SV2C: variants seen among roughly 807,000 people sequenced by gnomAD.
SV2C encodes the protein solute carrier family 22 member B3.
SV2C carries 49 observed loss-of-function variants against 79.7 expected under a neutral mutation model. That is an observed-to-expected ratio of 0.61 (90% confidence interval 0.49 to 0.78). SV2C has a LOEUF of 0.78. Among genes scored for constraint, SV2C ranks in the 30% least tolerant of loss-of-function variants. The pLI, the probability that SV2C is intolerant of heterozygous loss-of-function variation, is 0.00. For missense variants in SV2C, 833 were observed against 912.9 expected (o/e 0.91, Z 1.13); for synonymous variants, 334 against 333.2 (o/e 1.00, Z -0.03).
At chr5:76,336,257 C>T (rs1004914139), downstream of SV2C, among the ~76,000 whole-genome samples, 2 of 146,840 alleles carry the variant, frequency 1.4e-5, no homozygotes, top group African/African-American at 2.5e-5. Flanking sequence ...TCATATGGGG[C>T]GGCTGCCAGG....
Position 76,329,304 on chromosome 5 carries a change from C to G in SV2C, c.*3757C>G, listed in dbSNP as rs545406856. On this transcript the variant is annotated 3_prime_UTR_variant, in exon 13 of 13. Transcript: ENST00000502798. The stretch of plus-strand genomic sequence containing the variant: ...AAAGGGCCCCGCCTTGCCAGATAAA[C>G]GCGCTTAGGTTAGAAGACTATAATT... The G allele has an allele frequency of 6.6e-6, 1 of 152,192 alleles. No individual in the cohort carries two copies. Among genetic ancestry groups the G allele is most frequent in the Non-Finnish European group, 1.5e-5 (1 of 68,042 alleles). 9.4% of individuals were successfully genotyped at this position (152,192 alleles called of 1,614,324 possible).
chr5:75,987,073 A>G, the SV2C span, among the ~76,000 whole-genome samples: 6 of 151,932 alleles, frequency 3.9e-5, no homozygotes, highest in South Asian at 2.1e-4. Flanking sequence ...CATTGTGTCC[A>G]TGGGACTTTG....
chr5:75,967,935 T>C, the SV2C span, among the ~76,000 whole-genome samples: 1 of 152,176 alleles, frequency 6.6e-6, no homozygotes, highest in African/African-American at 2.4e-5. Flanking sequence ...AGGGGCAGAC[T>C]GAGACCTCAC....
intron 1 of SV2C, among the ~76,000 whole-genome samples, chr5:76,130,162 AAAAAAAAAAAAAAAAAAAG>A (rs1748837827): frequency 1.3e-5 from 1 of 75,862 alleles, no homozygotes; most frequent in Admixed American, 1.2e-4. Context: ...AAAAAAAAAA[AAAAAAAAAAAAAAAAAAAG>A]AGCTGGGGGA....
At chr5:76,262,804 T>A (rs1483621697) in intron 4 of SV2C, among the ~76,000 whole-genome samples, 4 of 142,752 alleles carry the variant, frequency 2.8e-5, no homozygotes, top group African/African-American at 9.1e-5. Context: ...GACTGACTGT[T>A]GTGATTTCCG....
chr5:75,994,246 G>C, the SV2C span, among the ~76,000 whole-genome samples: 107 of 152,240 alleles, frequency 7.0e-4, 5 homozygotes, highest in South Asian at 0.021. Flanking sequence ...AAGCCGGACA[G>C]ACGGTGAGAT....
the SV2C span, among the ~76,000 whole-genome samples, chr5:75,938,859 T>A: frequency 6.6e-6 from 1 of 152,216 alleles, no homozygotes; most frequent in South Asian, 2.1e-4. Flanking sequence ...TTCACTCTTT[T>A]AATATAAATC....
the SV2C span, chr5:75,911,120 T>G: frequency 1.3e-6 from 2 of 1,533,142 alleles, no homozygotes; most frequent in Non-Finnish European, 1.8e-6. Context: ...AAGGAGCACT[T>G]AGAAGATGAG....
At chr5:76,220,366 C>G (rs1745028945) in intron 4 of SV2C, among the ~76,000 whole-genome samples, 1 of 152,074 alleles carries the variant, frequency 6.6e-6, no homozygotes, top group South Asian at 2.1e-4. Context: ...CATTTCTTCA[C>G]TTTAGTTAAA....
the SV2C span, chr5:75,920,749 G>A: frequency 1.3e-6 from 1 of 778,806 alleles, no homozygotes; most frequent in Non-Finnish European, 2.4e-6. Flanking sequence ...GTGCGGTTCA[G>A]GAGGATGGTC....
chr5:75,850,904 A>G, the SV2C span, among the ~76,000 whole-genome samples: 1 of 152,130 alleles, frequency 6.6e-6, no homozygotes, highest in African/African-American at 2.4e-5. Context: ...GGGGCTGTTG[A>G]TAAGTCGGGC....
the SV2C span, among the ~76,000 whole-genome samples, chr5:75,883,726 T>C: frequency 6.7e-6 from 1 of 149,078 alleles, no homozygotes; most frequent in Non-Finnish European, 1.5e-5. Context: ...TTGGGAGATA[T>C]ACCTAATGCT....
At chr5:76,049,678 A>G in the SV2C span, among the ~76,000 whole-genome samples, 1 of 152,202 alleles carries the variant, frequency 6.6e-6, no homozygotes, top group Non-Finnish European at 1.5e-5. Flanking sequence ...AGAGGAAATA[A>G]GTTGTTTGTA....
At chr5:75,861,515 A>T in the SV2C span, among the ~76,000 whole-genome samples, 1 of 152,198 alleles carries the variant, frequency 6.6e-6, no homozygotes, top group Non-Finnish European at 1.5e-5. Context: ...AAAAAGACAC[A>T]TGCACTCATA....
At chr5:76,350,599 G>T (rs1040544562) in intron 12 of SV2C, among the ~76,000 whole-genome samples, 9 of 152,236 alleles carry the variant, frequency 5.9e-5, no homozygotes, top group Non-Finnish European at 1.0e-4. Context: ...ATATACTAAG[G>T]AACTAAAATG....
At chr5:75,973,635 G>T in the SV2C span, among the ~76,000 whole-genome samples, 1 of 152,090 alleles carries the variant, frequency 6.6e-6, no homozygotes, top group South Asian at 2.1e-4. Context: ...TAATTACACT[G>T]TTCTGATGAT....
At chr5:76,125,882 A>G (rs576665226) in intron 1 of SV2C, among the ~76,000 whole-genome samples, 2 of 152,004 alleles carry the variant, frequency 1.3e-5, no homozygotes, top group African/African-American at 4.8e-5. Context: ...ACATAAAAAG[A>G]CTTCATCTCT....
At chr5:76,151,288 C>T (rs919880417) in intron 2 of SV2C, among the ~76,000 whole-genome samples, 5 of 152,124 alleles carry the variant, frequency 3.3e-5, no homozygotes, top group Admixed American at 1.3e-4. Flanking sequence ...TCCAGTTTGT[C>T]GAAGTGTAGC....
At chr5:76,073,503 G>GTGTATATA in the SV2C span, among the ~76,000 whole-genome samples, 254 of 67,336 alleles carry the variant, frequency 3.8e-3, 4 homozygotes, top group African/African-American at 0.01. Flanking sequence ...GTATGTGTGT[G>GTGTATATA]TATATATATA....
Sources: allele counts gnomAD v4.1 joint callset (sites outside exome capture counted in the v4.1 genomes callset), GRCh38; gene constraint gnomAD v4.1.1; transcripts MANE v1.5; gene names NCBI Gene and HGNC (gene_info 2026-07-23, HGNC 2026-07-21).